GLB1L2: variants seen among roughly 807,000 people sequenced by gnomAD.
GLB1L2 encodes the protein beta-galactosidase-1-like protein 2.
GLB1L2 carries 68 observed loss-of-function variants against 84.1 expected under a neutral mutation model. That is an observed-to-expected ratio of 0.81 (90% CI 0.67 to 0.99). The LOEUF is 0.99. GLB1L2 is among the 50% of genes least tolerant of loss of function. The probability of loss-of-function intolerance (pLI) is 0.00; values close to 1 mark genes in which losing one functional copy is unlikely to be tolerated. For missense variants in GLB1L2, 762 were observed against 805.6 expected (o/e 0.95, Z 0.66); for synonymous variants, 290 against 318.0 (o/e 0.91, Z 0.94).
Position 134,334,656 on chromosome 11 carries a change from C to T in GLB1L2, c.86+2509C>T, listed in dbSNP as rs1408685818. On this transcript the variant is annotated intron_variant, in intron 1 of 18. Transcript: ENST00000535456. This position sits in a 1 kb window ranked among gnomAD's most constrained non-coding sequence, Gnocchi z 4.1. ...ACCTCTCTGTCATCCCTCCCTCCTA[C>T]TCCTCCCTGCTCCCCAGCCCCAAGC... is the stretch of plus-strand genomic sequence containing the variant. Among the ~76,000 whole-genome samples, 2 of 152,112 alleles carry T rather than the reference C, an allele frequency of 1.3e-5. No individual in the cohort carries two copies.
rs374877044 is a variant in GLB1L2, at chr11:134,356,334, G to A, written c.592G>A (p.Val198Met). Residue 198 changes from valine (V) to methionine (M), a missense_variant, in exon 6 of 19, where the codon GTG (valine) becomes ATG (methionine). By Grantham distance (21) the Val-to-Met change is conservative (BLOSUM62 1). Transcript: ENST00000535456. ...KRGGPIIAVQ[V>M]ENEYGSYNKD... The stretch of plus-strand genomic sequence containing the variant: ...TGGGGGACCTATCATTGCCGTGCAG[G>A]TGGAGAATGAATATGGTTCCTATAA... 3 of 1,613,970 alleles carry A rather than the reference G, an allele frequency of 1.9e-6. No homozygotes were observed. In the African/African-American group the frequency reaches 4.0e-5, roughly 22 times the overall value.
intron 13 of GLB1L2, 45 bp from the exon 14 acceptor site, chr11:134,371,376 C>G: frequency 7.7e-7 from 1 of 1,304,128 alleles, no homozygotes; most frequent in Non-Finnish European, 1.1e-6. Context: ...CCCGCTTACC[C>G]TCCTCCTGTT....
At chr11:134,337,037 A>T (rs112688153) in intron 1 of GLB1L2, among the ~76,000 whole-genome samples, 3 of 152,176 alleles carry the variant, frequency 2.0e-5, no homozygotes, top group African/African-American at 7.2e-5. Flanking sequence ...TTGTTACTTT[A>T]CTATTGGATC....
rs1345620217 is a variant in GLB1L2, at chr11:134,342,811, G to T, written c.144G>T (p.Gln48His). 6.2e-7 allele frequency: 1 copy of T among 1,614,050 alleles called. No homozygotes were observed. Among genetic ancestry groups the T allele is most frequent in the South Asian group, 1.1e-5 (1 of 91,074 alleles). Reference sequence around the variant, plus strand: ...TCCGCCATCGACAGCTGGGGCTGCAGGCCAAGGGCTGGAACTTCATGCTGG... The same window carrying T: ...TCCGCCATCGACAGCTGGGGCTGCATGCCAAGGGCTGGAACTTCATGCTGG... ...LRLRHRQLGL[Q>H]AKGWNFMLED... is the part of the protein sequence containing the mutation. The change falls in exon 2 of 19, where the codon CAG (glutamine) becomes CAT (histidine). Residue 48 changes from glutamine to histidine, a missense_variant. Around this residue, in one of 3 missense-constraint regions of GLB1L2, gnomAD observed 100 missense variants for 88.8 expected, o/e 1.13. Transcript: ENST00000535456.
chr11:134,347,358 G>A lies in GLB1L2; in HGVS notation c.483G>A (p.Arg161=). 6.2e-7 allele frequency: 1 copy of A among 1,614,164 alleles called. No individual in the cohort carries two copies. Among genetic ancestry groups the A allele is most frequent in the Middle Eastern group, 1.6e-4 (1 of 6,062 alleles). ...TCCAAGACCCTGGCATGAGGCTGAGGACAACTTACAAGGGCTTCACCGAAG... is the reference window on the plus strand; with the variant it reads ...TCCAAGACCCTGGCATGAGGCTGAGAACAACTTACAAGGGCTTCACCGAAG... ...WLLQDPGMRL[R]TTYKGFTEAV... Residue 161 remains arginine (R), a synonymous_variant, in exon 5 of 19, where the codon AGG becomes AGA. Transcript: ENST00000535456.
At chr11:134,333,422 C>T (rs1477203362) in intron 1 of GLB1L2, among the ~76,000 whole-genome samples, 2 of 152,224 alleles carry the variant, frequency 1.3e-5, no homozygotes, top group East Asian at 1.9e-4. Context: ...TTACTCAGAG[C>T]AGCGGCAGCA....
chr11:134,341,496 G>A (rs1418762224), intron 1 of GLB1L2, among the ~76,000 whole-genome samples: 2 of 152,146 alleles, frequency 1.3e-5, no homozygotes, highest in African/African-American at 4.8e-5. Context: ...GTCCTAAAAT[G>A]TCATTTGCAA....
In GLB1L2 at chr11:134,367,349, C is replaced by G; in HGVS notation, c.889+8C>G. Reference sequence around the variant, plus strand: ...ATATCTTGGATTCTTCTGGTGAGTGCTTGCGGTGACTACATCCAGAATGTG... The same window carrying G: ...ATATCTTGGATTCTTCTGGTGAGTGGTTGCGGTGACTACATCCAGAATGTG... On this transcript the variant is annotated splice_region_variant and intron_variant, in intron 9 of 18. Coordinates refer to ENST00000535456, the MANE Select transcript of GLB1L2 (RefSeq NM_001370461.1). 6.2e-7 allele frequency: 1 copy of G among 1,607,882 alleles called. No homozygotes were observed. Among genetic ancestry groups the G allele is most frequent in the Non-Finnish European group, 8.5e-7 (1 of 1,174,706 alleles).
At chr11:134,373,949 G>T in intron 16 of GLB1L2, 141 bp downstream of exon 16, 1 of 761,602 alleles carries the variant, frequency 1.3e-6, no homozygotes, top group South Asian at 1.7e-5. Flanking sequence ...GCCGAGGTGA[G>T]GGGTGGCACC....
chr11:134,333,037 T>C (rs532959773), intron 1 of GLB1L2, among the ~76,000 whole-genome samples: 1 of 152,282 alleles, frequency 6.6e-6, no homozygotes, highest in East Asian at 1.9e-4. Context: ...TGCTTCTTTT[T>C]TACTTAGAGA....
At chr11:134,333,065 C>T (rs576214157) in intron 1 of GLB1L2, among the ~76,000 whole-genome samples, 2 of 152,118 alleles carry the variant, frequency 1.3e-5, no homozygotes, top group Non-Finnish European at 2.9e-5. Flanking sequence ...TTCTTAGTTT[C>T]TCTGCACTTC....
chr11:134,371,529 C>G (rs1207871848), intron 14 of GLB1L2, 37 bp downstream of exon 14: 1 of 1,296,706 alleles, frequency 7.7e-7, no homozygotes, highest in Non-Finnish European at 1.1e-6. Flanking sequence ...TGGCTAGCCC[C>G]CGCTGCTTCG....
intron 5 of GLB1L2, 100 bp from the exon 6 acceptor site, chr11:134,356,201 A>G (rs539332073): frequency 9.0e-6 from 8 of 893,280 alleles, no homozygotes; most frequent in Non-Finnish European, 1.3e-5. Context: ...TTTAGTTTTC[A>G]ATGGGATCTT....
intron 9 of GLB1L2, among the ~76,000 whole-genome samples, chr11:134,368,025 C>T (rs1483730740): frequency 1.3e-5 from 2 of 151,944 alleles, no homozygotes; most frequent in African/African-American, 2.4e-5. Context: ...GCCCCTCAGC[C>T]CCCGGAAAGA....
chr11:134,373,827 C>T lies in GLB1L2; in HGVS notation c.1595+19C>T, dbSNP rs558126192. On this transcript the variant is annotated intron_variant, in intron 16 of 18. Coordinates refer to ENST00000535456, the MANE Select transcript of GLB1L2 (RefSeq NM_001370461.1). Reference sequence around the variant, plus strand: ...TTCAGAGGTGGGTCCCTGCCCAGCACCAGCCCTTGCACTCACAGGTATAGT... The same window carrying T: ...TTCAGAGGTGGGTCCCTGCCCAGCATCAGCCCTTGCACTCACAGGTATAGT... 1.2e-5 allele frequency: 19 copies of T among 1,528,534 alleles called. No homozygotes were observed. The African/African-American group carries it at 1.9e-4, about 15-fold the overall frequency. 94.7% of individuals were successfully genotyped at this position (1,528,534 alleles called of 1,614,324 possible).
At chr11:134,359,165 TG>T in intron 7 of GLB1L2, 24 bp downstream of exon 7, 1 of 1,549,422 alleles carries the variant, frequency 6.5e-7, no homozygotes, top group Non-Finnish European at 8.8e-7. Flanking sequence ...TGTTGGGCCG[TG>T]GGGGCTGGCG....
At chr11:134,361,986 A>G (rs960021009) in intron 7 of GLB1L2, among the ~76,000 whole-genome samples, 1 of 152,078 alleles carries the variant, frequency 6.6e-6, no homozygotes, top group African/African-American at 2.4e-5. Context: ...GGAGCGGCCC[A>G]GTTACGCTCA....
At chr11:134,335,080 C>A (rs1943361903) in intron 1 of GLB1L2, among the ~76,000 whole-genome samples, 1 of 152,156 alleles carries the variant, frequency 6.6e-6, no homozygotes, top group Non-Finnish European at 1.5e-5. Flanking sequence ...GAGGTAAGTT[C>A]ATTTCTTCTC....
chr11:134,335,116 GC>G (rs1943362747), intron 1 of GLB1L2, among the ~76,000 whole-genome samples: 1 of 152,070 alleles, frequency 6.6e-6, no homozygotes, highest in Non-Finnish European at 1.5e-5. Context: ...ACACTGCCCT[GC>G]CCTGCTGTTT....
Sources: gnomAD v4.1 joint callset for allele counts (sites outside exome capture counted in the v4.1 genomes callset) on GRCh38, gnomAD v4.1.1 for gene constraint, gnomAD v4.1.1 regional missense constraint, Gnocchi (gnomAD v3.1) non-coding constraint, MANE v1.5 for transcripts, NCBI Gene and HGNC (gene_info 2026-07-23, HGNC 2026-07-21) for gene names.